Variants in CDH13 observed in about 807,000 individuals in gnomAD.
CDH13 encodes the protein cadherin 13, also known as cadherin-13.
A neutral mutation model predicts 63.8 loss-of-function variants in CDH13; 24 were observed. That is an observed-to-expected ratio of 0.38 (90% CI 0.27 to 0.53). The LOEUF is 0.53. Ranked by LOEUF, CDH13 falls within the 20% of genes least tolerant of loss-of-function variation. The pLI, the probability that CDH13 is intolerant of heterozygous loss-of-function variation, is 0.85. For missense variants in CDH13, 1,049 were observed against 903.1 expected, an observed-to-expected ratio of 1.16 and a Z score of -2.07; for synonymous variants, 503 against 355.3, an observed-to-expected ratio of 1.42 and a Z score of -4.67.
At chr16:83,602,367 A>G in intron 7 of CDH13, 87 bp from the exon 8 acceptor site, 8 of 1,328,958 alleles carry the variant, frequency 6.0e-6, no homozygotes, top group Admixed American at 1.7e-5. Context: ...AGGGGGAGAG[A>G]CAGCTCCAGC....
intron 2 of CDH13, among the ~76,000 whole-genome samples, chr16:82,869,636 G>A (rs2040275332): frequency 6.6e-6 from 1 of 152,092 alleles, no homozygotes; most frequent in Non-Finnish European, 1.5e-5. Context: ...AAAAACAGAT[G>A]CATAGACCAA....
Position 83,443,905 on chromosome 16 carries a change from A to G in CDH13, c.782-42572A>G, listed in dbSNP as rs771893554. Among the ~76,000 whole-genome samples, 35 of 148,768 alleles carry G rather than the reference A, an allele frequency of 2.4e-4. No individual in the cohort carries two copies. The East Asian group carries it at 4.7e-3, about 20-fold the overall frequency. On this transcript the variant is annotated intron_variant, in intron 6 of 13. Coordinates refer to ENST00000567109, the MANE Select transcript of CDH13 (RefSeq NM_001257.5). ...AGCCAAGACTGCACCACTGCACTCCAGCCTGGGCAACAGAGGAAACCGTTT... is the reference window on the plus strand; with the variant it reads ...AGCCAAGACTGCACCACTGCACTCCGGCCTGGGCAACAGAGGAAACCGTTT...
At chr16:83,166,047 A>C (rs2037651538) in intron 4 of CDH13, among the ~76,000 whole-genome samples, 1 of 152,164 alleles carries the variant, frequency 6.6e-6, no homozygotes, top group South Asian at 2.1e-4. Context: ...GTGGAAAGAT[A>C]GAACCTTCCT....
chr16:83,138,364 G>C (rs1406810844), intron 4 of CDH13, among the ~76,000 whole-genome samples: 1 of 152,010 alleles, frequency 6.6e-6, no homozygotes, highest in Non-Finnish European at 1.5e-5. Context: ...CTGTGATGGG[G>C]TGCTGTGGGA....
At chr16:83,539,643 C>T (rs1297379546) in intron 7 of CDH13, among the ~76,000 whole-genome samples, 3 of 152,222 alleles carry the variant, frequency 2.0e-5, no homozygotes, top group Non-Finnish European at 4.4e-5. Flanking sequence ...CTGATATTTT[C>T]AGAGCATTTT....
intron 1 of CDH13, among the ~76,000 whole-genome samples, chr16:82,848,678 C>G (rs9935254): frequency 0.25 from 38,504 of 151,762 alleles, 5,720 homozygotes; most frequent in Non-Finnish European, 0.34. Flanking sequence ...GCCCTTTACT[C>G]ATCTGTCTCC....
At chr16:83,227,475 G>A (rs926798508) in intron 5 of CDH13, among the ~76,000 whole-genome samples, 1 of 152,164 alleles carries the variant, frequency 6.6e-6, no homozygotes, top group Non-Finnish European at 1.5e-5. Flanking sequence ...TTGGAAGCTG[G>A]TGGTGCCTAT....
intron 8 of CDH13, among the ~76,000 whole-genome samples, chr16:83,633,709 T>G (rs1910987156): frequency 6.6e-6 from 1 of 152,208 alleles, no homozygotes; most frequent in Non-Finnish European, 1.5e-5. Context: ...CTTTCTCTCG[T>G]TTTTGTTTCC....
intron 4 of CDH13, among the ~76,000 whole-genome samples, chr16:83,194,408 T>C (rs1037028421): frequency 6.6e-6 from 1 of 152,188 alleles, no homozygotes; most frequent in Non-Finnish European, 1.5e-5. Context: ...TGTCTCCCCA[T>C]GGAATGCTGC....
chr16:82,691,396 A>G (rs538787839), intron 1 of CDH13, among the ~76,000 whole-genome samples: 65 of 152,272 alleles, frequency 4.3e-4, no homozygotes, highest in African/African-American at 1.6e-3. Flanking sequence ...TACCCAGGAA[A>G]AATCTTCAAG....
intron 8 of CDH13, among the ~76,000 whole-genome samples, chr16:83,629,925 A>G (rs897225781): frequency 2.0e-5 from 3 of 152,210 alleles, no homozygotes; most frequent in Non-Finnish European, 4.4e-5. Flanking sequence ...ACAGTCTAGA[A>G]CCATCACACT....
intron 1 of CDH13, among the ~76,000 whole-genome samples, chr16:82,854,078 T>C (rs1448465224): frequency 6.6e-6 from 1 of 152,138 alleles, no homozygotes; most frequent in African/African-American, 2.4e-5. Flanking sequence ...AGTTCAAGCA[T>C]AGATACTGTT....
chr16:82,704,969 A>G, intron 1 of CDH13: 1 of 352,986 alleles, frequency 2.8e-6, no homozygotes, highest in Non-Finnish European at 5.6e-6. Context: ...CTTGGGAGAC[A>G]ATGTCTCTTG....
intron 4 of CDH13, among the ~76,000 whole-genome samples, chr16:83,216,431 T>TAA (rs1567514102): frequency 1.5e-4 from 18 of 116,336 alleles, no homozygotes; most frequent in African/African-American, 2.2e-4. Flanking sequence ...TATATATATA[T>TAA]ATATATATAT....
intron 6 of CDH13, among the ~76,000 whole-genome samples, chr16:83,480,199 C>G (rs1032718674): frequency 6.6e-6 from 1 of 152,138 alleles, no homozygotes; most frequent in Non-Finnish European, 1.5e-5. Flanking sequence ...ACCTATAGTC[C>G]CAGCTAATTG....
At chr16:83,476,177 T>C (rs930084489) in intron 6 of CDH13, among the ~76,000 whole-genome samples, 3 of 152,256 alleles carry the variant, frequency 2.0e-5, no homozygotes, top group Non-Finnish European at 2.9e-5. Context: ...AGCATTATTC[T>C]GGTGCCTTTG....
At chr16:83,365,812 G>C (rs1016047349) in intron 6 of CDH13, among the ~76,000 whole-genome samples, 2 of 152,282 alleles carry the variant, frequency 1.3e-5, no homozygotes, top group East Asian at 3.9e-4. Flanking sequence ...CCTGCTGCTG[G>C]CTTGCAGATG....
At position 83,174,725 on chromosome 16, in the gene CDH13, G is replaced by T. The variant is rs2038057583; in HGVS notation, c.484-42620G>T. Among the ~76,000 whole-genome samples the T allele has an allele frequency of 1.3e-5, 2 of 152,018 alleles. 1 individual carries two copies. The highest frequency in any genetic ancestry group is 2.9e-5 in the Non-Finnish European group (2 of 67,960). On this transcript the variant is annotated intron_variant, in intron 4 of 13. Coordinates refer to ENST00000567109, the MANE Select transcript of CDH13 (RefSeq NM_001257.5). ...TACCTGAGATTAGGTAATATATAAA[G>T]AAAAAAGGTTTCCTTGACTCACATT... is the stretch of plus-strand genomic sequence containing the variant.
At chr16:82,974,069 C>T (rs1362102506) in intron 2 of CDH13, among the ~76,000 whole-genome samples, 1 of 152,076 alleles carries the variant, frequency 6.6e-6, no homozygotes, top group Non-Finnish European at 1.5e-5. Context: ...ATTACGGGCA[C>T]CCACTACCAT....
Sources: allele counts gnomAD v4.1 joint callset (sites outside exome capture counted in the v4.1 genomes callset), GRCh38; gene constraint gnomAD v4.1.1; transcripts MANE v1.5; gene names NCBI Gene and HGNC (gene_info 2026-07-23, HGNC 2026-07-21).